ABCG2: variants seen among roughly 807,000 people sequenced by gnomAD.
ABCG2 encodes the protein ATP binding cassette subfamily G member 2 (JR blood group).
Under a neutral mutation model 73.5 loss-of-function variants are expected in ABCG2, and 80 were observed. The ratio of observed to expected loss-of-function variants is 1.09; its 90% CI spans 0.91 to 1.31. The LOEUF (loss-of-function observed/expected upper bound fraction) is 1.31, where lower values mean the gene tolerates loss of function less well. Among genes scored for constraint, ABCG2 ranks in the 50% most tolerant of loss-of-function variants. The pLI, the probability that ABCG2 is intolerant of heterozygous loss-of-function variation, is 0.00. For synonymous variants in ABCG2, 269 were observed against 282.4 expected (o/e 0.95, Z 0.48); for missense variants, 796 against 786.2 (o/e 1.01, Z -0.15).
intron 2 of ABCG2, among the ~76,000 whole-genome samples, chr4:88,135,532 CA>C (rs1455282491): frequency 1.5e-5 from 2 of 137,358 alleles, no homozygotes; most frequent in Non-Finnish European, 3.1e-5. Context: ...CCTACACACA[CA>C]AAATCTTCAC....
chr4:88,133,780 T>C (rs910954258), intron 2 of ABCG2, among the ~76,000 whole-genome samples: 2 of 152,132 alleles, frequency 1.3e-5, no homozygotes, highest in Non-Finnish European at 2.9e-5. Flanking sequence ...GGTGGATCAC[T>C]TGAGGTCAGG....
At chr4:88,229,242 C>T (rs1730357545) in intron 1 of ABCG2, among the ~76,000 whole-genome samples, 1 of 152,206 alleles carries the variant, frequency 6.6e-6, no homozygotes, top group South Asian at 2.1e-4. Flanking sequence ...GGACACAGTT[C>T]CATGTGTTCA....
intron 1 of ABCG2, among the ~76,000 whole-genome samples, chr4:88,149,884 G>A (rs1726333258): frequency 1.3e-5 from 2 of 152,196 alleles, no homozygotes; most frequent in South Asian, 2.1e-4. Flanking sequence ...ATATTTACTA[G>A]ACTTCTATTA....
intron 2 of ABCG2, among the ~76,000 whole-genome samples, chr4:88,136,691 G>A (rs113737399): frequency 0.11 from 14,758 of 138,144 alleles, 1,771 homozygotes; most frequent in African/African-American, 0.31. Context: ...GGGCAACAAC[G>A]TAAGACCTTG....
Position 88,158,633 on chromosome 4 carries a change from G to A in ABCG2, c.-267C>T. Reference sequence around the variant, plus strand: ...GTCTCTCAATCTCAGTGGGAGTGGCGGGCACTGCCTCTTCCCTCCTGCGCG... The same window carrying A: ...GTCTCTCAATCTCAGTGGGAGTGGCAGGCACTGCCTCTTCCCTCCTGCGCG... On this transcript the variant is annotated 5_prime_UTR_variant, in exon 1 of 16. Coordinates refer to ENST00000237612, the MANE Select transcript of ABCG2 (RefSeq NM_004827.3). 2 of 456,290 alleles carry A rather than the reference G, an allele frequency of 4.4e-6. No individual in the cohort carries two copies. Among genetic ancestry groups the A allele is most frequent in the South Asian group, 3.1e-5 (2 of 64,568 alleles). 28.3% of individuals were successfully genotyped at this position (456,290 alleles called of 1,614,324 possible).
intron 10 of ABCG2, among the ~76,000 whole-genome samples, chr4:88,102,273 C>A (rs911954466): frequency 2.6e-5 from 4 of 152,130 alleles, no homozygotes; most frequent in South Asian, 2.1e-4. Context: ...ACTATTAGTG[C>A]TTGTTTCTCA....
chr4:88,212,868 A>G (rs936578293), intron 1 of ABCG2, among the ~76,000 whole-genome samples: 1 of 152,196 alleles, frequency 6.6e-6, no homozygotes, highest in African/African-American at 2.4e-5. Flanking sequence ...AGAAAAACAC[A>G]TAAGAATAAT....
intron 1 of ABCG2, among the ~76,000 whole-genome samples, chr4:88,224,994 G>A (rs1438403756): frequency 1.3e-5 from 2 of 152,204 alleles, no homozygotes; most frequent in Non-Finnish European, 2.9e-5. Flanking sequence ...CCACTTGGCC[G>A]TGTGTGAGGG....
At chr4:88,177,287 T>A (rs1247735245) in intron 1 of ABCG2, among the ~76,000 whole-genome samples, 1 of 151,464 alleles carries the variant, frequency 6.6e-6, no homozygotes, top group African/African-American at 2.4e-5. Context: ...GGCAGGAGAA[T>A]GGCGGGAACC....
chr4:88,110,467 C>T (rs534965608), intron 9 of ABCG2, among the ~76,000 whole-genome samples: 119 of 152,028 alleles, frequency 7.8e-4, no homozygotes, highest in Non-Finnish European at 7.5e-4. Context: ...TGCTTGAACC[C>T]GGGAGGCGGA....
At chr4:88,161,174 T>A (rs1186442986), upstream of ABCG2, among the ~76,000 whole-genome samples, 2 of 150,346 alleles carry the variant, frequency 1.3e-5, no homozygotes, top group Non-Finnish European at 3.0e-5. Context: ...TTTTAATTTT[T>A]TTTTTTTTTA....
chr4:88,131,777 G>C (rs771053062), intron 4 of ABCG2, 26 bp downstream of exon 4: 1 of 1,566,560 alleles, frequency 6.4e-7, no homozygotes, highest in East Asian at 2.2e-5. Context: ...AGAGGAAACA[G>C]AAAATGCAAA....
chr4:88,110,116 A>T (rs1396022624), intron 9 of ABCG2, among the ~76,000 whole-genome samples: 2 of 152,142 alleles, frequency 1.3e-5, no homozygotes, highest in Non-Finnish European at 2.9e-5. Flanking sequence ...CACTTAGCTC[A>T]TTTTATTTAT....
chr4:88,119,195 G>A (rs2110017720), intron 6 of ABCG2, among the ~76,000 whole-genome samples: 1 of 152,336 alleles, frequency 6.6e-6, no homozygotes, highest in Non-Finnish European at 1.5e-5. Flanking sequence ...CTGCTGCCAT[G>A]TACAACATGC....
chr4:88,101,262 C>A lies in ABCG2; in HGVS notation c.1335G>T (p.Val445=). 1 of 1,614,030 alleles carries A rather than the reference C, an allele frequency of 6.2e-7. No homozygotes were observed. The highest frequency in any genetic ancestry group is 8.5e-7 in the Non-Finnish European group (1 of 1,179,988). ...TNQCFSSVSA[V]ELFVVEKKLF... ...GCTTCTTCTCTACCACAAAGAGTTC[C>A]ACGGCTGAAACACTGCTGAAACACT... The change falls in exon 11 of 16, where the codon GTG becomes GTT. Residue 445 remains valine (V), a synonymous_variant. Transcript: ENST00000237612.
chr4:88,199,267 C>G (rs1167975834), intron 1 of ABCG2, among the ~76,000 whole-genome samples: 2 of 152,010 alleles, frequency 1.3e-5, no homozygotes, highest in East Asian at 3.9e-4. Flanking sequence ...CTGCGCCTGG[C>G]CAAAAACAAT....
At chr4:88,217,532 TGTGC>T (rs1233956027) in intron 1 of ABCG2, among the ~76,000 whole-genome samples, 1 of 151,928 alleles carries the variant, frequency 6.6e-6, no homozygotes, top group East Asian at 1.9e-4. Flanking sequence ...TGTGGTGGTG[TGTGC>T]CTATAGTCCC....
At chr4:88,160,318 G>A (rs571107029), upstream of ABCG2, among the ~76,000 whole-genome samples, 2 of 151,626 alleles carry the variant, frequency 1.3e-5, no homozygotes, top group South Asian at 2.1e-4. Context: ...AAAAATCTCC[G>A]AAAAATAAAT....
intron 5 of ABCG2, among the ~76,000 whole-genome samples, chr4:88,128,727 C>T (rs1724611764): frequency 1.3e-5 from 2 of 152,076 alleles, no homozygotes; most frequent in South Asian, 4.1e-4. Context: ...ACAATGAGAA[C>T]ACATGGACAC....
Sources: gnomAD v4.1 joint callset for allele counts (sites outside exome capture counted in the v4.1 genomes callset) on GRCh38, gnomAD v4.1.1 for gene constraint, MANE v1.5 for transcripts, NCBI Gene and HGNC (gene_info 2026-07-23, HGNC 2026-07-21) for gene names.